The following RORA variants were observed in gnomAD, a reference collection of about 807,000 sequenced individuals.
RORA encodes the protein RAR related orphan receptor A.
In RORA, 7 loss-of-function variants were observed where a neutral mutation model predicts 69.5. The observed-to-expected ratio is 0.10, with a 90% confidence interval of 0.06 to 0.19. The LOEUF (loss-of-function observed/expected upper bound fraction) is 0.19. Among genes scored for constraint, RORA ranks in the 10% least tolerant of loss-of-function variants. RORA has a pLI of 1.00. For missense variants in RORA, 457 were observed against 663.0 expected, an observed-to-expected ratio of 0.69 and a Z score of 3.41; for synonymous variants, 261 against 240.8, an observed-to-expected ratio of 1.08 and a Z score of -0.78.
chr15:61,221,743 T>C (rs2080098803), intron 1 of RORA, among the ~76,000 whole-genome samples: 1 of 152,192 alleles, frequency 6.6e-6, no homozygotes, highest in Admixed American at 6.5e-5. Context: ...GCACTGCCTC[T>C]TTCAGTGGCT....
rs144145717 is a variant in RORA at position 60,934,527 on chromosome 15, G to A, written c.167-255841C>T. On this transcript the variant is annotated intron_variant, in intron 1 of 10. Coordinates refer to ENST00000335670, the MANE Select transcript of RORA (RefSeq NM_134261.3). Reference sequence around the variant, plus strand: ...TTTGTTTGTTTTTTTCTGATATGAGGTCTCACTATGTGACCCAGGCTGGTC... The same window carrying A: ...TTTGTTTGTTTTTTTCTGATATGAGATCTCACTATGTGACCCAGGCTGGTC... Among the ~76,000 whole-genome samples, 549 of 152,116 alleles carry A rather than the reference G, an allele frequency of 3.6e-3. 7 individuals are homozygous for A. The highest frequency in any genetic ancestry group is 0.013 in the African/African-American group (521 of 41,494).
At chr15:60,678,710 T>A in intron 1 of RORA, 24 bp from the exon 2 acceptor site, 1 of 1,605,624 alleles carries the variant, frequency 6.2e-7, no homozygotes, top group Non-Finnish European at 8.5e-7. Flanking sequence ...AACAATAACA[T>A]AGGTTAGAAA....
intron 1 of RORA, among the ~76,000 whole-genome samples, chr15:61,167,544 C>T (rs932727283): frequency 9.3e-5 from 13 of 139,628 alleles, no homozygotes; most frequent in Non-Finnish European, 1.3e-4. Flanking sequence ...TCTCTACAAC[C>T]AGGACTCTGG....
intron 1 of RORA, among the ~76,000 whole-genome samples, chr15:60,774,697 C>A (rs2072135664): frequency 1.3e-5 from 2 of 152,194 alleles, no homozygotes; most frequent in South Asian, 4.1e-4. Flanking sequence ...ACCACATTGG[C>A]CACTGGTATT....
chr15:60,952,689 T>C (rs1334263019), intron 1 of RORA, among the ~76,000 whole-genome samples: 5 of 151,800 alleles, frequency 3.3e-5, no homozygotes, highest in Admixed American at 1.3e-4. Context: ...CTCCCATTCA[T>C]AATTGCTACA....
chr15:60,846,845 T>C (rs941876031), intron 1 of RORA, among the ~76,000 whole-genome samples: 1 of 152,250 alleles, frequency 6.6e-6, no homozygotes, highest in East Asian at 1.9e-4. Context: ...TCGAATATGC[T>C]TCTCACATAC....
intron 1 of RORA, among the ~76,000 whole-genome samples, chr15:60,729,131 C>T (rs1272286943): frequency 6.6e-6 from 1 of 152,030 alleles, no homozygotes; most frequent in Non-Finnish European, 1.5e-5. Context: ...TTTTGGTGTC[C>T]CTTGCTTTGA....
intron 1 of RORA, among the ~76,000 whole-genome samples, chr15:60,933,686 T>C (rs1406254549): frequency 2.0e-5 from 3 of 152,176 alleles, no homozygotes; most frequent in Non-Finnish European, 4.4e-5. Flanking sequence ...GGTATACACA[T>C]CTGTACTAAT....
At chr15:61,203,195 T>C (rs747737194) in intron 1 of RORA, among the ~76,000 whole-genome samples, 4 of 152,104 alleles carry the variant, frequency 2.6e-5, no homozygotes, top group Non-Finnish European at 5.9e-5. Context: ...CAGACAAACA[T>C]AGTCACTTAA....
chr15:61,026,771 C>A (rs570333370), intron 1 of RORA, among the ~76,000 whole-genome samples: 95 of 152,248 alleles, frequency 6.2e-4, no homozygotes, highest in Non-Finnish European at 9.7e-4. Context: ...ATTTTAAACT[C>A]AAAAACCAGA....
chr15:60,675,572 T>A (rs187482072), intron 2 of RORA, among the ~76,000 whole-genome samples: 1 of 152,140 alleles, frequency 6.6e-6, no homozygotes, highest in Non-Finnish European at 1.5e-5. Context: ...AAACAAACAC[T>A]TAAGGTACCC....
intron 1 of RORA, among the ~76,000 whole-genome samples, chr15:60,791,872 C>G (rs2072422807): frequency 6.6e-6 from 1 of 152,036 alleles, no homozygotes; most frequent in Non-Finnish European, 1.5e-5. Flanking sequence ...CTGCAACAAT[C>G]ATTTGTTTTG....
At chr15:60,608,058 A>G (rs2068993814) in intron 2 of RORA, among the ~76,000 whole-genome samples, 1 of 152,244 alleles carries the variant, frequency 6.6e-6, no homozygotes, top group African/African-American at 2.4e-5. Context: ...TGTAAGAGGC[A>G]TGGAAACTGC....
intron 1 of RORA, among the ~76,000 whole-genome samples, chr15:61,130,058 A>G (rs189881729): frequency 1.9e-3 from 289 of 152,372 alleles, no homozygotes; most frequent in African/African-American, 6.7e-3. Flanking sequence ...GAAGAAGAAA[A>G]ACAGGAAGAA....
chr15:61,056,529 C>T (rs1184631924), intron 1 of RORA, among the ~76,000 whole-genome samples: 2 of 152,168 alleles, frequency 1.3e-5, no homozygotes, highest in Non-Finnish European at 2.9e-5. Context: ...TATGTGTTTT[C>T]CAGCCATTGG....
At chr15:61,096,603 G>A (rs879139476) in intron 1 of RORA, among the ~76,000 whole-genome samples, 10 of 152,178 alleles carry the variant, frequency 6.6e-5, no homozygotes, top group Admixed American at 2.6e-4. Context: ...CAGAGATGGG[G>A]AAACTGACTT....
At chr15:61,020,228 C>T (rs537712794) in intron 1 of RORA, among the ~76,000 whole-genome samples, 1 of 152,296 alleles carries the variant, frequency 6.6e-6, no homozygotes, top group South Asian at 2.1e-4. Context: ...AAGTCAGCAT[C>T]TCAGTATCAC....
At chr15:61,214,201 A>G (rs894277130) in intron 1 of RORA, 2 of 152,242 alleles carry the variant, frequency 1.3e-5, no homozygotes, top group Admixed American at 6.5e-5. Flanking sequence ...AATGGAAAAG[A>G]CCAATTAATA....
chr15:60,957,222 C>T (rs1330464301), intron 1 of RORA, among the ~76,000 whole-genome samples: 1 of 152,158 alleles, frequency 6.6e-6, no homozygotes, highest in Non-Finnish European at 1.5e-5. Context: ...TATTACAATG[C>T]ACTTATACTG....
Sources: allele counts gnomAD v4.1 joint callset (sites outside exome capture counted in the v4.1 genomes callset), GRCh38; gene constraint gnomAD v4.1.1; transcripts MANE v1.5; gene names NCBI Gene and HGNC (gene_info 2026-07-23, HGNC 2026-07-21).